ALDH1A1: variants seen among roughly 807,000 people sequenced by gnomAD.
ALDH1A1 encodes the protein aldehyde dehydrogenase 1 family member A1, also known as aldehyde dehydrogenase 1A1.
In ALDH1A1, 19 loss-of-function variants were observed where a neutral mutation model predicts 62.1. The ratio of observed to expected loss-of-function variants is 0.31; its 90% CI spans 0.21 to 0.45. The LOEUF (loss-of-function observed/expected upper bound fraction) is 0.45, where lower values mean the gene tolerates loss of function less well. ALDH1A1 is among the 20% of genes least tolerant of loss of function. ALDH1A1 has a pLI of 1.00. For missense variants in ALDH1A1, 521 were observed against 607.1 expected (o/e 0.86, Z 1.49); for synonymous variants, 231 against 215.9 (o/e 1.07, Z -0.61).
intron 4 of ALDH1A1, 77 bp downstream of exon 4, chr9:72,928,815 G>A: frequency 7.2e-7 from 1 of 1,390,484 alleles, no homozygotes; most frequent in Non-Finnish European, 9.4e-7. Context: ...TTAAAAGGGA[G>A]AGTTTGAAAT....
chr9:72,904,766 A>G (rs8187987), intron 12 of ALDH1A1, among the ~76,000 whole-genome samples: 8 of 152,228 alleles, frequency 5.3e-5, no homozygotes, highest in Admixed American at 3.3e-4. Flanking sequence ...GTTTTCTTCA[A>G]TACTTTGCTC....
At chr9:72,904,993 T>A (rs1364554589) in intron 12 of ALDH1A1, among the ~76,000 whole-genome samples, 1 of 152,110 alleles carries the variant, frequency 6.6e-6, no homozygotes, top group East Asian at 1.9e-4. Flanking sequence ...ATTTTATAAT[T>A]CTCCCATTTC....
chr9:72,911,750 T>G (rs1156797098), intron 10 of ALDH1A1, among the ~76,000 whole-genome samples: 2 of 152,252 alleles, frequency 1.3e-5, no homozygotes, highest in Non-Finnish European at 2.9e-5. Flanking sequence ...CTGTGTTGGC[T>G]GAACATTTGT....
Position 72,932,251 on chromosome 9 carries a change from G to C in ALDH1A1, c.172-1232C>G, listed in dbSNP as rs1830290155. On this transcript the variant is annotated intron_variant, in intron 2 of 12. Transcript: ENST00000297785. ...ACAATTCCCTTTAAGAATTGGGGGA[G>C]AGAAAAAGTAATGACCCTAGATTTT... 2.0e-5 allele frequency among the ~76,000 whole-genome samples: 3 copies of C among 152,198 alleles called. No homozygotes were observed. The South Asian group carries it at 6.2e-4, about 32-fold the overall frequency.
chr9:72,910,356 C>A (rs1446462002), intron 10 of ALDH1A1, among the ~76,000 whole-genome samples: 5 of 152,122 alleles, frequency 3.3e-5, no homozygotes, highest in Admixed American at 2.0e-4. Context: ...TACTCTGTAG[C>A]AAAATCTTAG....
At chr9:72,925,345 C>A (rs1193223029) in intron 6 of ALDH1A1, 139 bp downstream of exon 6, 5 of 959,050 alleles carry the variant, frequency 5.2e-6, no homozygotes, top group Non-Finnish European at 7.3e-6. Context: ...TGCAGCCAGC[C>A]GTCATGCTAA....
chr9:72,939,500 T>C (rs1455012726), intron 2 of ALDH1A1, among the ~76,000 whole-genome samples: 12 of 151,820 alleles, frequency 7.9e-5, no homozygotes. Flanking sequence ...TCTAGCAACA[T>C]AAAAAGAACA....
At chr9:72,950,172 T>G (rs907156131) in intron 1 of ALDH1A1, among the ~76,000 whole-genome samples, 2 of 151,912 alleles carry the variant, frequency 1.3e-5, no homozygotes, top group Non-Finnish European at 2.9e-5. Flanking sequence ...CAGGCATTAT[T>G]TCAAGGGCTT....
chr9:72,932,761 A>G (rs1337443441), intron 2 of ALDH1A1, among the ~76,000 whole-genome samples: 1 of 152,240 alleles, frequency 6.6e-6, no homozygotes, highest in Non-Finnish European at 1.5e-5. Context: ...TGTTTGAAAA[A>G]AAGAAAAAGC....
intron 10 of ALDH1A1, among the ~76,000 whole-genome samples, chr9:72,911,603 C>T (rs1829989774): frequency 6.6e-6 from 1 of 152,084 alleles, no homozygotes; most frequent in South Asian, 2.1e-4. Context: ...AAGTGAGACC[C>T]TGCGGTATTT....
intron 5 of ALDH1A1, 42 bp downstream of exon 5, chr9:72,927,074 T>C: frequency 7.1e-7 from 1 of 1,405,506 alleles, no homozygotes; most frequent in Non-Finnish European, 9.9e-7. Context: ...GAATAAGAAC[T>C]CTTCTTTTTA....
intron 2 of ALDH1A1, among the ~76,000 whole-genome samples, chr9:72,935,082 ATTAAT>A (rs1364672330): frequency 6.6e-6 from 1 of 152,160 alleles, no homozygotes. Context: ...GCCTTACATA[ATTAAT>A]TTAACTACAT....
chr9:72,921,869 A>C (rs1316937346), intron 7 of ALDH1A1, among the ~76,000 whole-genome samples: 1 of 152,002 alleles, frequency 6.6e-6, no homozygotes, highest in Non-Finnish European at 1.5e-5. Flanking sequence ...ATGGGAACTC[A>C]GATGGGGTGT....
chr9:72,904,330 A>T (rs1348741370), intron 12 of ALDH1A1, among the ~76,000 whole-genome samples: 1 of 152,136 alleles, frequency 6.6e-6, no homozygotes, highest in Non-Finnish European at 1.5e-5. Context: ...ATCTAAGTCA[A>T]ATTTCTTAAA....
At position 72,911,945 on chromosome 9, in the gene ALDH1A1, T is replaced by C. The variant is rs1307096587; in HGVS notation, c.1200+13A>G. 1.2e-6 allele frequency: 2 copies of C among 1,613,768 alleles called. No homozygotes were observed. The highest frequency in any genetic ancestry group is 2.7e-5 in the African/African-American group (2 of 75,024). ...TGGCAACAAAAAGAACAGAACAGAATGAAGCCATTTACCTCCTCTTTGGCA... is the reference window on the plus strand; with the variant it reads ...TGGCAACAAAAAGAACAGAACAGAACGAAGCCATTTACCTCCTCTTTGGCA... On this transcript the variant is annotated intron_variant, in intron 10 of 12. Transcript: ENST00000297785.
chr9:72,909,795 G>A (rs1829957798), intron 10 of ALDH1A1, 36 bp from the exon 11 acceptor site: 2 of 1,515,768 alleles, frequency 1.3e-6, no homozygotes, highest in African/African-American at 2.8e-5. Flanking sequence ...AAAATAATAG[G>A]TTAAAATGAA....
intron 2 of ALDH1A1, among the ~76,000 whole-genome samples, chr9:72,939,490 T>A (rs1830388034): frequency 6.6e-6 from 1 of 152,102 alleles, no homozygotes; most frequent in Admixed American, 6.6e-5. Context: ...TTTAGTTTTA[T>A]CTAGCAACAT....
chr9:72,915,456 A>AC (rs1009658541), intron 9 of ALDH1A1, among the ~76,000 whole-genome samples: 2 of 119,070 alleles, frequency 1.7e-5, no homozygotes, highest in Non-Finnish European at 4.0e-5. Context: ...AATAATCACA[A>AC]CAAAAAACAT....
chr9:72,929,142 T>C, intron 3 of ALDH1A1, 121 bp from the exon 4 acceptor site: 1 of 1,083,390 alleles, frequency 9.2e-7, no homozygotes, highest in Non-Finnish European at 1.3e-6. Context: ...TCTTGTCATC[T>C]TGTCTAACCT....
Sources: gnomAD v4.1 joint callset for allele counts (sites outside exome capture counted in the v4.1 genomes callset) on GRCh38, gnomAD v4.1.1 for gene constraint, MANE v1.5 for transcripts, NCBI Gene and HGNC (gene_info 2026-07-23, HGNC 2026-07-21) for gene names.